ADAMTS17: variants seen among roughly 807,000 people sequenced by gnomAD.
ADAMTS17 encodes A disintegrin and metalloproteinase with thrombospondin motifs 17.
ADAMTS17 carries 113 observed loss-of-function variants against 141.5 expected under a neutral mutation model. The ratio of observed to expected loss-of-function variants is 0.80; its 90% CI spans 0.69 to 0.93. The LOEUF (loss-of-function observed/expected upper bound fraction) is 0.93. ADAMTS17 is among the 40% of genes least tolerant of loss of function. The probability of loss-of-function intolerance (pLI) is 0.00; values close to 1 mark genes in which losing one functional copy is unlikely to be tolerated. For missense variants in ADAMTS17, 1,659 were observed against 1,517.9 expected, an observed-to-expected ratio of 1.09 and a Z score of -1.54; for synonymous variants, 768 against 630.6, an observed-to-expected ratio of 1.22 and a Z score of -3.27.
At chr15:100,201,920 C>G (rs543852407) in intron 7 of ADAMTS17, among the ~76,000 whole-genome samples, 1 of 152,334 alleles carries the variant, frequency 6.6e-6, no homozygotes, top group East Asian at 1.9e-4. Context: ...TATGTGCACG[C>G]GGCCCACGTG....
At chr15:100,330,518 G>A (rs1312209514) in intron 3 of ADAMTS17, among the ~76,000 whole-genome samples, 1 of 152,166 alleles carries the variant, frequency 6.6e-6, no homozygotes, top group African/African-American at 2.4e-5. Flanking sequence ...TTTAGTTACT[G>A]CGGCCAGAAC....
intron 10 of ADAMTS17, among the ~76,000 whole-genome samples, chr15:100,150,262 T>C (rs141038731): frequency 1.3e-5 from 2 of 152,244 alleles, no homozygotes; most frequent in African/African-American, 4.8e-5. Context: ...ACTGAATTCC[T>C]CTCATGAAAA....
intron 8 of ADAMTS17, among the ~76,000 whole-genome samples, chr15:100,198,474 G>T (rs2041203834): frequency 6.6e-6 from 1 of 152,266 alleles, no homozygotes; most frequent in South Asian, 2.1e-4. Flanking sequence ...TTTCCCCCAA[G>T]AACTAGATTT....
At chr15:99,983,755 G>C (rs1052636496) in intron 20 of ADAMTS17, among the ~76,000 whole-genome samples, 2 of 152,152 alleles carry the variant, frequency 1.3e-5, no homozygotes, top group African/African-American at 4.8e-5. Flanking sequence ...AAAGCACAAT[G>C]AATCCACCCC....
intron 7 of ADAMTS17, among the ~76,000 whole-genome samples, chr15:100,223,752 A>ATG (rs1411841411): frequency 6.6e-6 from 1 of 150,950 alleles, no homozygotes; most frequent in African/African-American, 2.5e-5. Flanking sequence ...GTGTATATAT[A>ATG]TATACACACA....
chr15:100,054,045 T>C lies in ADAMTS17; in HGVS notation c.2147A>G (p.Asp716Gly), dbSNP rs970398809. The change falls in exon 16 of 22, where the codon GAC becomes GGC. Residue 716 changes from aspartate (D) to glycine (G), a missense_variant. Asp to Gly is a moderately conservative substitution (Grantham distance 94, BLOSUM62 -1). Coordinates refer to ENST00000268070, the MANE Select transcript of ADAMTS17 (RefSeq NM_139057.4). Reference sequence around the variant, plus strand: ...ACTGTTGATGGACCCCTTACCCGAGTCTTTGAGAGCTAGAAAGCAAGTTGA... The same window carrying C: ...ACTGTTGATGGACCCCTTACCCGAGCCTTTGAGAGCTAGAAAGCAAGTTGA... ...FSHARGTALK[D>G]SGKGSINSDW... The C allele has an allele frequency of 6.2e-7, 1 of 1,613,820 alleles. No individual in the cohort carries two copies. Among genetic ancestry groups the C allele is most frequent in the African/African-American group, 1.3e-5 (1 of 74,838 alleles).
At chr15:100,272,884 T>C (rs764723174) in intron 4 of ADAMTS17, among the ~76,000 whole-genome samples, 1 of 152,084 alleles carries the variant, frequency 6.6e-6, no homozygotes, top group Non-Finnish European at 1.5e-5. Flanking sequence ...TCCTAGTCTA[T>C]TGAGTGCTTT....
chr15:100,319,714 A>C (rs1355368614), intron 3 of ADAMTS17, among the ~76,000 whole-genome samples: 2 of 152,134 alleles, frequency 1.3e-5, no homozygotes, highest in Non-Finnish European at 2.9e-5. Flanking sequence ...CATCTCGAGA[A>C]AAAGAAAAGA....
chr15:100,091,230 C>CA (rs1276918807), intron 15 of ADAMTS17, among the ~76,000 whole-genome samples: 2 of 151,670 alleles, frequency 1.3e-5, no homozygotes, highest in Non-Finnish European at 2.9e-5. Flanking sequence ...TCTCTCAGGC[C>CA]AGATACCCCC....
chr15:100,161,054 G>A (rs996109520), intron 8 of ADAMTS17, among the ~76,000 whole-genome samples: 1 of 152,176 alleles, frequency 6.6e-6, no homozygotes, highest in Non-Finnish European at 1.5e-5. Context: ...AGTGACTGTG[G>A]GGCTGAGGGC....
intron 15 of ADAMTS17, among the ~76,000 whole-genome samples, chr15:100,079,133 G>A (rs2034568899): frequency 6.6e-6 from 1 of 152,200 alleles, no homozygotes; most frequent in African/African-American, 2.4e-5. Context: ...CGCCACTTTG[G>A]AAAAGAGTTT....
At chr15:100,227,885 T>C (rs1001878261) in intron 7 of ADAMTS17, among the ~76,000 whole-genome samples, 5 of 152,186 alleles carry the variant, frequency 3.3e-5, no homozygotes, top group Admixed American at 6.5e-5. Flanking sequence ...AGTCCACAAC[T>C]AGCAATACCT....
chr15:100,062,325 G>C (rs990770275), intron 15 of ADAMTS17, among the ~76,000 whole-genome samples: 1 of 152,000 alleles, frequency 6.6e-6, no homozygotes, highest in Non-Finnish European at 1.5e-5. Flanking sequence ...GGAGGAGGTG[G>C]CAGGGCAGCT....
chr15:100,237,365 T>C lies in ADAMTS17; in HGVS notation c.1075+16771A>G, dbSNP rs1352243159. ...CTCACTTCCCTGCCTTTACCTACAT[T>C]AGGACTCACCCCTGGGAAGCCTCAG... is the stretch of plus-strand genomic sequence containing the variant. On this transcript the variant is annotated intron_variant, in intron 7 of 21. Transcript: ENST00000268070. 3.9e-5 allele frequency among the ~76,000 whole-genome samples: 6 copies of C among 152,206 alleles called. No homozygotes were observed. The East Asian group carries it at 9.7e-4, about 25-fold the overall frequency.
intron 8 of ADAMTS17, among the ~76,000 whole-genome samples, chr15:100,183,997 C>T (rs554354784): frequency 1.3e-5 from 2 of 152,302 alleles, no homozygotes; most frequent in Admixed American, 6.5e-5. Context: ...GAGAGAGAAG[C>T]TTCTGGGTAC....
chr15:99,998,021 C>T (rs1463571364), intron 18 of ADAMTS17, among the ~76,000 whole-genome samples: 1 of 152,178 alleles, frequency 6.6e-6, no homozygotes, highest in Non-Finnish European at 1.5e-5. Context: ...GGAGAACAGT[C>T]CCAGTACAGG....
In ADAMTS17 at chr15:100,261,635, G is replaced by T. The variant is rs745744756; in HGVS notation, c.875C>A (p.Ala292Asp). The change falls in exon 6 of 22, where the codon GCT becomes GAT. Residue 292 changes from alanine to aspartate, a missense_variant and splice_region_variant. Physicochemically the swap from Ala to Asp is moderately radical, Grantham distance 126 (BLOSUM62 -2). Transcript: ENST00000268070. ...ACCATGGTGCCCAATGGACAACTTA[G>T]CCTAAAAAAAGTCAGAGGACAGTTA... ...TKLVLLRQRP[A>D]KLSIGHHGER... is the part of the protein sequence containing the mutation. The T allele has an allele frequency of 6.2e-7, 1 of 1,613,336 alleles. No homozygotes were observed. The highest frequency in any genetic ancestry group is 8.5e-7 in the Non-Finnish European group (1 of 1,179,710).
intron 15 of ADAMTS17, among the ~76,000 whole-genome samples, chr15:100,086,679 T>G (rs534331921): frequency 6.6e-6 from 1 of 151,770 alleles, no homozygotes; most frequent in South Asian, 2.1e-4. Flanking sequence ...AACTCAGGAT[T>G]AAGAAACTCA....
At chr15:100,229,202 C>T (rs1250509981) in intron 7 of ADAMTS17, among the ~76,000 whole-genome samples, 3 of 152,156 alleles carry the variant, frequency 2.0e-5, no homozygotes, top group African/African-American at 7.2e-5. Flanking sequence ...TTAAGTCCTG[C>T]ACAACCCAAC....
Sources: gnomAD v4.1 joint callset for allele counts (sites outside exome capture counted in the v4.1 genomes callset) on GRCh38, gnomAD v4.1.1 for gene constraint, MANE v1.5 for transcripts, NCBI Gene and HGNC (gene_info 2026-07-23, HGNC 2026-07-21) for gene names.